KIF15: variants seen among roughly 807,000 people sequenced by gnomAD.
KIF15 encodes kinesin family member 15.
Under a neutral mutation model 190.6 loss-of-function variants are expected in KIF15, and 140 were observed. The ratio of observed to expected loss-of-function variants is 0.73; its 90% CI spans 0.64 to 0.84. The LOEUF is 0.84. Among genes scored for constraint, KIF15 ranks in the 40% least tolerant of loss-of-function variants. The probability of loss-of-function intolerance (pLI) is 0.00; values close to 1 mark genes in which losing one functional copy is unlikely to be tolerated. For synonymous variants in KIF15, 528 were observed against 551.3 expected (o/e 0.96, Z 0.59); for missense variants, 1,372 against 1,584.4 (o/e 0.87, Z 2.28).
Position 44,774,562 on chromosome 3 carries a change from A to G in KIF15, c.62+125A>G, listed in dbSNP as rs938807237. 19 of 793,508 alleles carry G rather than the reference A, an allele frequency of 2.4e-5. 1 individual carries two copies. The highest frequency in any genetic ancestry group is 1.5e-4 in the South Asian group (8 of 53,982). The allele number at this position is 793,508 out of a possible 1,614,324, so 49.2% of individuals were successfully genotyped here. On this transcript the variant is annotated intron_variant, in intron 2 of 34. Transcript: ENST00000326047. ...TAACTTAGTCCTCAACCAGCTGGAA[A>G]TGTGGGAAAACTGCATATTACCTCT...
At chr3:44,764,564 A>C (rs1385241096) in intron 1 of KIF15, among the ~76,000 whole-genome samples, 1 of 150,074 alleles carries the variant, frequency 6.7e-6, no homozygotes, top group Non-Finnish European at 1.5e-5. Context: ...GAATAGACTT[A>C]AGCATATTTT....
intron 6 of KIF15, chr3:44,864,305 G>A (rs916343580): frequency 1.9e-6 from 3 of 1,614,192 alleles, no homozygotes; most frequent in Admixed American, 3.3e-5. Flanking sequence ...TTCAGCCATT[G>A]CATCTGTCAC....
chr3:44,797,939 A>G lies in KIF15; in HGVS notation c.1081A>G (p.Lys361Glu), dbSNP rs1707073055. 2.5e-6 allele frequency: 4 copies of G among 1,612,056 alleles called. No individual in the cohort carries two copies. The South Asian group carries it at 4.4e-5, about 18-fold the overall frequency. The change falls in exon 10 of 35, where the codon AAG (lysine) becomes GAG (glutamate). Residue 361 changes from lysine to glutamate, a missense_variant. Transcript: ENST00000326047. ...AACACTTAACTTTGCTCAAAGAGCC[A>G]AGCTGATTAAAAACAAGGTAAAATA... The part of the protein sequence containing the change: ...LSTLNFAQRA[K>E]LIKNKAVVNE...
At chr3:44,790,888 G>A (rs758342297) in intron 7 of KIF15, among the ~76,000 whole-genome samples, 3 of 151,702 alleles carry the variant, frequency 2.0e-5, no homozygotes, top group African/African-American at 2.4e-5. Flanking sequence ...AGATGAGGTT[G>A]GCCAGGATGG....
At chr3:44,842,616 T>G (rs975504392) in intron 29 of KIF15, among the ~76,000 whole-genome samples, 2 of 152,204 alleles carry the variant, frequency 1.3e-5, no homozygotes, top group African/African-American at 4.8e-5. Context: ...ATCTTGAAAC[T>G]TAGAAGAAAC....
rs146634893 is a variant in KIF15, at chr3:44,798,761, C to T, written c.1098+805C>T. Among the ~76,000 whole-genome samples the T allele has an allele frequency of 3.3e-5, 5 of 152,270 alleles. No individual in the cohort carries two copies. The East Asian group carries it at 9.7e-4, about 29-fold the overall frequency. ...GTATGTGAGTCTTTCTTCCTGCCAA[C>T]AGCCAATCAATCAGTTCTGCAGCAG... On this transcript the variant is annotated intron_variant, in intron 10 of 34. Coordinates refer to ENST00000326047, the MANE Select transcript of KIF15 (RefSeq NM_020242.3).
chr3:44,778,825 CA>C (rs542181682), intron 4 of KIF15, among the ~76,000 whole-genome samples: 1 of 150,428 alleles, frequency 6.6e-6, no homozygotes, highest in Non-Finnish European at 1.5e-5. Context: ...ACTAAAAATA[CA>C]AAAAAAATAG....
chr3:44,829,444 T>A (rs1404858793), intron 24 of KIF15, among the ~76,000 whole-genome samples: 1 of 137,496 alleles, frequency 7.3e-6, no homozygotes, highest in Non-Finnish European at 1.5e-5. Context: ...ATGTATATAT[T>A]ATATACGCAT....
chr3:44,805,088 G>A lies in KIF15; in HGVS notation c.1749G>A (p.Lys583=), dbSNP rs904165324. 5 of 1,613,746 alleles carry A rather than the reference G, an allele frequency of 3.1e-6. No homozygotes were observed. The highest frequency in any genetic ancestry group is 4.2e-6 in the Non-Finnish European group (5 of 1,179,932). Reference sequence around the variant, plus strand: ...CATGTTTGTTTGCAAACACTGAGAAGTTAAAAGCACAACTCCTGCAAATTC... The same window carrying A: ...CATGTTTGTTTGCAAACACTGAGAAATTAAAAGCACAACTCCTGCAAATTC... ...KEPCLFANTE[K]LKAQLLQIQT... is the part of the protein sequence containing the mutation. Residue 583 remains lysine (K), a synonymous_variant, in exon 15 of 35, where the codon AAG becomes AAA. Coordinates refer to ENST00000326047, the MANE Select transcript of KIF15 (RefSeq NM_020242.3).
chr3:44,865,221 G>A (rs1699308598), intron 6 of KIF15: 1 of 1,612,832 alleles, frequency 6.2e-7, no homozygotes, highest in East Asian at 2.2e-5. Flanking sequence ...GATCATGATG[G>A]TGGCCCAGCC....
rs1697621721 is a variant in KIF15, at chr3:44,826,054, G to C, written c.2565G>C (p.Lys855Asn). 1 of 1,582,396 alleles carries C rather than the reference G, an allele frequency of 6.3e-7. No individual in the cohort carries two copies. The highest frequency in any genetic ancestry group is 8.5e-7 in the Non-Finnish European group (1 of 1,172,328). ...CCTTATAAAGGTTAGAAAACGAAAA[G>C]CTGCTTGAGAGCAAAGCCTGCCTAC... ...QLDNLRLENE[K>N]LLESKACLQD... The change falls in exon 21 of 35, where the codon AAG becomes AAC. Residue 855 changes from lysine to asparagine, a missense_variant. By Grantham distance (94) the Lys-to-Asn change is moderately conservative. Coordinates refer to ENST00000326047, the MANE Select transcript of KIF15 (RefSeq NM_020242.3).
At position 44,821,042 on chromosome 3, in the gene KIF15, C is replaced by A. The variant is rs868007915; in HGVS notation, c.2550-4997C>A. On this transcript the variant is annotated intron_variant, in intron 20 of 34. Transcript: ENST00000326047. ...CCGGGCGGGGGGGCTGACCCCCCCA[C>A]CTCCCTCCCGGATGGGGCGGCAGGC... Among the ~76,000 whole-genome samples the A allele has an allele frequency of 8.2e-4, 121 of 147,584 alleles. 7 individuals are homozygous for A. Among genetic ancestry groups the A allele is most frequent in the African/African-American group, 2.9e-3 (115 of 39,312 alleles).
chr3:44,770,704 A>G (rs1372190068), intron 1 of KIF15, among the ~76,000 whole-genome samples: 4 of 152,258 alleles, frequency 2.6e-5, no homozygotes, highest in African/African-American at 9.6e-5. Flanking sequence ...ATGCAAACAA[A>G]TATATTGTCA....
At chr3:44,773,259 C>G (rs1409686655) in intron 1 of KIF15, among the ~76,000 whole-genome samples, 8 of 152,094 alleles carry the variant, frequency 5.3e-5, no homozygotes, top group African/African-American at 1.7e-4. Context: ...TATTCTTATG[C>G]AAATGAGTTT....
chr3:44,846,925 A>G (rs1288853941), intron 30 of KIF15, among the ~76,000 whole-genome samples: 15 of 152,264 alleles, frequency 9.9e-5, no homozygotes, highest in Admixed American at 6.5e-5. Context: ...TGTAAATAAA[A>G]TTTTATTGAG....
intron 11 of KIF15, 108 bp downstream of exon 11, chr3:44,800,545 G>GAAAGAGATACCTGCA: frequency 8.4e-7 from 1 of 1,187,010 alleles, no homozygotes; most frequent in Non-Finnish European, 1.2e-6. Context: ...TTTTTCTGCA[G>GAAAGAGATACCTGCA]GTATCTCTTT....
chr3:44,810,942 A>T lies in KIF15; in HGVS notation c.2068A>T (p.Asn690Tyr), dbSNP rs201126407. The T allele has an allele frequency of 4.7e-5, 76 of 1,613,776 alleles. No individual in the cohort carries two copies. In the East Asian group the frequency reaches 1.1e-3, roughly 23 times the overall value. Residue 690 changes from asparagine to tyrosine, a missense_variant, in exon 17 of 35, where the codon AAT (asparagine) becomes TAT (tyrosine). Transcript: ENST00000326047. ...MGSFGSLYTQ[N>Y]SSILDNDILN... ...AAGCTTTGGCTCTCTATACACTCAGAATTCTAGCATATTAGATAATGATAT... is the reference window on the plus strand; with the variant it reads ...AAGCTTTGGCTCTCTATACACTCAGTATTCTAGCATATTAGATAATGATAT...
chr3:44,763,718 C>T (rs1047099586), intron 1 of KIF15, among the ~76,000 whole-genome samples: 5 of 150,818 alleles, frequency 3.3e-5, no homozygotes, highest in Non-Finnish European at 5.9e-5. Context: ...CAGTGTTGCT[C>T]TGTCACCCAG....
intron 8 of KIF15, among the ~76,000 whole-genome samples, chr3:44,795,448 GA>G: frequency 6.6e-6 from 1 of 152,128 alleles, no homozygotes; most frequent in Non-Finnish European, 1.5e-5. Context: ...CGAATACTGG[GA>G]AACACTTAAC....
Sources: allele counts gnomAD v4.1 joint callset (sites outside exome capture counted in the v4.1 genomes callset), GRCh38; gene constraint gnomAD v4.1.1; transcripts MANE v1.5; gene names NCBI Gene and HGNC (gene_info 2026-07-23, HGNC 2026-07-21).